Variants in ITGA2 observed in about 807,000 individuals in gnomAD.
ITGA2 encodes the protein integrin alpha-2.
In ITGA2, 101 loss-of-function variants were observed where a neutral mutation model predicts 146.3. The ratio of observed to expected loss-of-function variants is 0.69; its 90% CI spans 0.59 to 0.81. The LOEUF (loss-of-function observed/expected upper bound fraction) is 0.81. Among genes scored for constraint, ITGA2 ranks in the 40% least tolerant of loss-of-function variants. The pLI, the probability that ITGA2 is intolerant of heterozygous loss-of-function variation, is 0.00. For missense variants in ITGA2, 1,281 were observed against 1,402.7 expected, an observed-to-expected ratio of 0.91 and a Z score of 1.39; for synonymous variants, 477 against 487.1, an observed-to-expected ratio of 0.98 and a Z score of 0.27.
chr5:53,001,813 TAAA>T (rs34186143), intron 1 of ITGA2, among the ~76,000 whole-genome samples: 8 of 110,306 alleles, frequency 7.3e-5, no homozygotes, highest in Admixed American at 2.0e-4. Context: ...AGGCCCTTTC[TAAA>T]AAAAAAAAAA....
At chr5:53,022,977 G>C (rs1742762274) in intron 1 of ITGA2, among the ~76,000 whole-genome samples, 1 of 152,186 alleles carries the variant, frequency 6.6e-6, no homozygotes, top group South Asian at 2.1e-4. Context: ...CCCTGCATGA[G>C]ATAAAATGTA....
intron 12 of ITGA2, among the ~76,000 whole-genome samples, chr5:53,061,643 C>T (rs1280503058): frequency 6.6e-6 from 1 of 151,920 alleles, no homozygotes; most frequent in Non-Finnish European, 1.5e-5. Context: ...CCAGATATGG[C>T]CCACTACAGC....
intron 28 of ITGA2, chr5:53,089,597 G>C (rs1218973173): frequency 4.3e-6 from 1 of 230,542 alleles, no homozygotes; most frequent in African/African-American, 2.3e-5. Context: ...AAAGCTGTTT[G>C]CTTTCACTTG....
At chr5:53,018,890 C>T (rs1742530469) in intron 1 of ITGA2, among the ~76,000 whole-genome samples, 2 of 151,844 alleles carry the variant, frequency 1.3e-5, no homozygotes. Context: ...ATGATGAAAC[C>T]CTATCTCTAC....
chr5:53,026,584 C>A (rs1331927303), intron 1 of ITGA2, among the ~76,000 whole-genome samples, 164 bp from the exon 2 acceptor site: 1 of 152,020 alleles, frequency 6.6e-6, no homozygotes, highest in Non-Finnish European at 1.5e-5. Context: ...TGCCGGGCCT[C>A]CAAATAAGTA....
chr5:53,090,382 C>A, intron 29 of ITGA2, 137 bp from the exon 30 acceptor site: 1 of 751,546 alleles, frequency 1.3e-6, no homozygotes, highest in African/African-American at 1.7e-5. Context: ...GATATCAGGT[C>A]ATCAGTCTGC....
At chr5:53,081,434 A>G (rs1012490873) in intron 25 of ITGA2, among the ~76,000 whole-genome samples, 158 bp from the exon 26 acceptor site, 3 of 152,154 alleles carry the variant, frequency 2.0e-5, no homozygotes, top group Admixed American at 2.0e-4. Flanking sequence ...ATGTTCACCT[A>G]GAGATTATAT....
chr5:53,015,641 T>C (rs1342460805), intron 1 of ITGA2, among the ~76,000 whole-genome samples: 1 of 152,166 alleles, frequency 6.6e-6, no homozygotes, highest in Non-Finnish European at 1.5e-5. Flanking sequence ...CCTAAATATC[T>C]TTGTTAGTTT....
chr5:53,070,068 T>C, intron 16 of ITGA2, 41 bp from the exon 17 acceptor site: 1 of 1,532,192 alleles, frequency 6.5e-7, no homozygotes, highest in African/African-American at 1.4e-5. Context: ...TCCTATAAGT[T>C]GATTTGAAAT....
chr5:53,053,997 CAGAA>C (rs1218064463), intron 7 of ITGA2, among the ~76,000 whole-genome samples: 2 of 152,038 alleles, frequency 1.3e-5, no homozygotes, highest in Non-Finnish European at 2.9e-5. Context: ...ATGTGACACT[CAGAA>C]AGGATCTGAT....
chr5:53,018,615 T>A (rs1742516047), intron 1 of ITGA2, among the ~76,000 whole-genome samples: 1 of 152,186 alleles, frequency 6.6e-6, no homozygotes, highest in South Asian at 2.1e-4. Context: ...AGAGGTTTCT[T>A]CGGGCTGCCT....
intron 1 of ITGA2, among the ~76,000 whole-genome samples, chr5:53,026,442 G>T (rs1258812016): frequency 6.6e-6 from 1 of 152,074 alleles, no homozygotes; most frequent in Non-Finnish European, 1.5e-5. Flanking sequence ...CCTCTTTCCA[G>T]CTGTGAGATA....
At chr5:53,003,158 T>A (rs1297604572) in intron 1 of ITGA2, among the ~76,000 whole-genome samples, 1 of 152,198 alleles carries the variant, frequency 6.6e-6, no homozygotes, top group Non-Finnish European at 1.5e-5. Flanking sequence ...TTTGACAAAC[T>A]GCCCTTTGTC....
chr5:53,069,897 T>A (rs1469353735), intron 16 of ITGA2, among the ~76,000 whole-genome samples: 1 of 151,810 alleles, frequency 6.6e-6, no homozygotes, highest in East Asian at 2.0e-4. Flanking sequence ...TGAATCACAT[T>A]TCTTTGTATG....
At chr5:53,072,884 T>C (rs1165003440) in intron 19 of ITGA2, among the ~76,000 whole-genome samples, 189 bp downstream of exon 19, 1 of 151,858 alleles carries the variant, frequency 6.6e-6, no homozygotes, top group East Asian at 1.9e-4. Context: ...TAAAATTATC[T>C]GTATTTAAAT....
Position 53,093,907 on chromosome 5 carries a change from C to A in ITGA2, c.*3308C>A, listed in dbSNP as rs1401116922. On this transcript the variant is annotated 3_prime_UTR_variant, in exon 30 of 30. Coordinates refer to ENST00000296585, the MANE Select transcript of ITGA2 (RefSeq NM_002203.4). Reference sequence around the variant, plus strand: ...TCATTTCAGCAGCAAAATAAGAACTCCTAACTGAACAGAAATTTTTCTACC... The same window carrying A: ...TCATTTCAGCAGCAAAATAAGAACTACTAACTGAACAGAAATTTTTCTACC... 3 of 152,510 alleles carry A rather than the reference C, an allele frequency of 2.0e-5. No individual in the cohort carries two copies. Among genetic ancestry groups the A allele is most frequent in the Non-Finnish European group, 2.9e-5 (2 of 68,028 alleles). The allele number at this position is 152,510 out of a possible 1,614,324, so 9.4% of individuals were successfully genotyped here. A position where few individuals can be genotyped will look rare whatever the true frequency, so the allele number is the denominator to read the frequency against.
At position 53,058,016 on chromosome 5, in the gene ITGA2, A is replaced by G. The variant is rs2111951585; in HGVS notation, c.1097-9A>G. ...ACAGTAATACAATTTTTAAAATTGA[A>G]TGTTCCAGGTACTGTTCAAGGAGGA... On this transcript the variant is annotated splice_polypyrimidine_tract_variant and intron_variant, in intron 9 of 29. Transcript: ENST00000296585. 1 of 1,605,350 alleles carries G rather than the reference A, an allele frequency of 6.2e-7. No individual in the cohort carries two copies. Among genetic ancestry groups the G allele is most frequent in the East Asian group, 2.2e-5 (1 of 44,660 alleles).
chr5:53,092,140 G>C lies in ITGA2; in HGVS notation c.*1541G>C, dbSNP rs1000298020. The C allele has an allele frequency of 1.3e-5, 2 of 152,122 alleles. No homozygotes were observed. Among genetic ancestry groups the C allele is most frequent in the Non-Finnish European group, 2.9e-5 (2 of 68,048 alleles). 9.4% of individuals were successfully genotyped at this position (152,122 alleles called of 1,614,324 possible). Reference sequence around the variant, plus strand: ...TTTGCACCTTATTTTCTCTGTTCCTGAGCCCCCACATTCTCTAGGAGAAAC... The same window carrying C: ...TTTGCACCTTATTTTCTCTGTTCCTCAGCCCCCACATTCTCTAGGAGAAAC... On this transcript the variant is annotated 3_prime_UTR_variant, in exon 30 of 30. Transcript: ENST00000296585.
intron 18 of ITGA2, among the ~76,000 whole-genome samples, 172 bp from the exon 19 acceptor site, chr5:53,072,441 A>G (rs1261934287): frequency 6.6e-6 from 1 of 151,766 alleles, no homozygotes; most frequent in African/African-American, 2.4e-5. Flanking sequence ...GATTATCTTG[A>G]ATTGTGTGTT....
Sources: allele counts gnomAD v4.1 joint callset (sites outside exome capture counted in the v4.1 genomes callset), GRCh38; gene constraint gnomAD v4.1.1; transcripts MANE v1.5; gene names NCBI Gene and HGNC (gene_info 2026-07-23, HGNC 2026-07-21).